PUF60: variants seen among roughly 807,000 people sequenced by gnomAD.
PUF60 encodes poly(U) binding splicing factor 60.
In PUF60, 10 loss-of-function variants were observed where a neutral mutation model predicts 61.8. The observed-to-expected ratio is 0.16, with a 90% CI of 0.10 to 0.27. The LOEUF (loss-of-function observed/expected upper bound fraction) is 0.27. PUF60 is among the 10% of genes least tolerant of loss of function. PUF60 has a pLI of 1.00. For missense variants in PUF60, 371 were observed against 754.0 expected, an observed-to-expected ratio of 0.49 and a Z score of 5.95; for synonymous variants, 353 against 300.9, an observed-to-expected ratio of 1.17 and a Z score of -1.79.
At chr8:143,828,837 G>A (rs1035234756) in intron 1 of PUF60, 1 of 798,740 alleles carries the variant, frequency 1.3e-6, no homozygotes, top group Non-Finnish European at 1.5e-6. Flanking sequence ...CATGCTCTGA[G>A]CTGCAGGCCC....
intron 2 of PUF60, among the ~76,000 whole-genome samples, chr8:143,822,185 T>C (rs1817096913): frequency 1.3e-5 from 2 of 152,060 alleles, no homozygotes; most frequent in Non-Finnish European, 2.9e-5. Flanking sequence ...ACCACCAAGA[T>C]AAACAGCTGG....
chr8:143,821,410 AG>A, intron 4 of PUF60, 186 bp downstream of exon 4: 1 of 615,248 alleles, frequency 1.6e-6, no homozygotes, highest in Non-Finnish European at 2.9e-6. Flanking sequence ...AGCGAGCAAC[AG>A]GTGGGAAAGG....
At chr8:143,829,015 C>T in intron 1 of PUF60, 8 of 996,970 alleles carry the variant, frequency 8.0e-6, no homozygotes, top group Non-Finnish European at 9.5e-6. Context: ...CCGCCAGGCT[C>T]GCCCGCAAGG....
In PUF60 at chr8:143,827,502, C is replaced by T. The variant is rs144730365; in HGVS notation, c.24+1778G>A. ...CCTTCCCCACCAGGCCACTGTCAGC[C>T]AAGTTCAGCTGCTCCATTCAACCTC... On this transcript the variant is annotated intron_variant, in intron 1 of 11. Transcript: ENST00000526683. 104 of 455,162 alleles carry T rather than the reference C, an allele frequency of 2.3e-4. No homozygotes were observed. The East Asian group carries it at 6.9e-3, about 30-fold the overall frequency. 28.2% of individuals were successfully genotyped at this position (455,162 alleles called of 1,614,324 possible).
intron 1 of PUF60, among the ~76,000 whole-genome samples, chr8:143,826,391 C>T (rs998242076): frequency 2.0e-5 from 3 of 152,062 alleles, no homozygotes; most frequent in East Asian, 1.9e-4. Context: ...CACAGCAAGA[C>T]GCTGTCTCTA....
chr8:143,821,814 T>A lies in PUF60; in HGVS notation c.207+4A>T, dbSNP rs776271605. ...CTGCAGTGCCCTGGGAGGTCCATGC[T>A]CACCTTCTGAAGGGCCTCCTGCTGC... is the stretch of plus-strand genomic sequence containing the variant. On this transcript the variant is annotated splice_donor_region_variant and intron_variant, in intron 3 of 11. Transcript: ENST00000526683. 7 of 1,608,798 alleles carry A rather than the reference T, an allele frequency of 4.4e-6. No individual in the cohort carries two copies. The South Asian group carries it at 5.5e-5, about 13-fold the overall frequency.
Position 143,817,073 on chromosome 8 carries a change from C to G in PUF60, c.1217G>C (p.Ser406Thr). 6.2e-7 allele frequency: 1 copy of G among 1,611,718 alleles called. No homozygotes were observed. Among genetic ancestry groups the G allele is most frequent in the Non-Finnish European group, 8.5e-7 (1 of 1,179,350 alleles). The change falls in exon 11 of 12, where the codon AGC (serine) becomes ACC (threonine). Residue 406 changes from serine (S) to threonine (T), a missense_variant. This residue lies in a region of PUF60 where 68 missense variants were observed against 69.4 expected (regional missense o/e 0.98). Coordinates refer to ENST00000526683, the MANE Select transcript of PUF60 (RefSeq NM_078480.3). This position sits in a 1 kb window ranked among gnomAD's most constrained non-coding sequence, Gnocchi z 7.4. ...SVGVVNPILA[S>T]PPTLGLLEPK... ...CTCCAGGAGACCCAGCGTTGGAGGG[C>G]TGGCCAGGATGGGGTTCACCACTCC...
intron 2 of PUF60, chr8:143,822,380 C>A: frequency 2.4e-6 from 1 of 410,374 alleles, no homozygotes; most frequent in Non-Finnish European, 5.0e-6. Flanking sequence ...GCCACAGACA[C>A]AGGCTCAGCT....
intron 1 of PUF60, 106 bp from the exon 2 acceptor site, chr8:143,824,505 G>A: frequency 8.3e-7 from 1 of 1,204,742 alleles, no homozygotes; most frequent in Non-Finnish European, 1.2e-6. Flanking sequence ...AAGCAAGGGA[G>A]GCCAGGCAGG....
In PUF60 at chr8:143,816,611, T is replaced by C. The variant is rs760699933; in HGVS notation, c.1589A>G (p.Gln530Arg). ...AGCAAACCAGCGGCCATTGAGGGCC[T>C]GGATGGCCTTATGAGTCTCAGAGGC... ...SIASETHKAI[Q>R]ALNGRWFAGR... is the part of the protein sequence containing the mutation. Residue 530 changes from glutamine to arginine, a missense_variant, in exon 12 of 12, where the codon CAG becomes CGG. Transcript: ENST00000526683. 2.5e-6 allele frequency: 4 copies of C among 1,613,814 alleles called. No homozygotes were observed. Among genetic ancestry groups the C allele is most frequent in the Non-Finnish European group, 3.4e-6 (4 of 1,179,874 alleles).
chr8:143,822,434 G>A (rs926832230), intron 2 of PUF60: 2 of 452,986 alleles, frequency 4.4e-6, no homozygotes, highest in African/African-American at 4.0e-5. Flanking sequence ...TAATACAAGG[G>A]CCTCTCTCCC....
chr8:143,820,576 G>T, intron 5 of PUF60, 90 bp downstream of exon 5: 1 of 1,412,728 alleles, frequency 7.1e-7, no homozygotes, highest in Non-Finnish European at 1.0e-6. Flanking sequence ...CCGGCCAGGG[G>T]AGCAAGGTCC....
rs771410850 is a variant in PUF60, at chr8:143,818,294, A to G, written c.511-9T>C. 1.3e-5 allele frequency: 21 copies of G among 1,607,348 alleles called. No homozygotes were observed. In the South Asian group the frequency reaches 1.7e-4, roughly 13 times the overall value. On this transcript the variant is annotated splice_polypyrimidine_tract_variant and intron_variant, in intron 6 of 11. Coordinates refer to ENST00000526683, the MANE Select transcript of PUF60 (RefSeq NM_078480.3). The surrounding 1 kb of genome is among the most constrained non-coding windows in gnomAD (Gnocchi z 7.9). ...TCCACGAAGGCAAAGCCCTAGACAC[A>G]GGGACACACCTGTCAGGCTGCGCGA...
chr8:143,827,773 C>T (rs543000523), intron 1 of PUF60, among the ~76,000 whole-genome samples: 92 of 152,356 alleles, frequency 6.0e-4, no homozygotes, highest in Non-Finnish European at 8.8e-4. Context: ...ACAACCCGTT[C>T]GTGGGGTCAG....
intron 1 of PUF60, chr8:143,827,397 G>A: frequency 2.2e-6 from 1 of 456,282 alleles, no homozygotes; most frequent in Non-Finnish European, 4.4e-6. Flanking sequence ...TTGCTGCAAA[G>A]AGGCAGCCGG....
chr8:143,823,976 C>A (rs1817319461), intron 2 of PUF60, among the ~76,000 whole-genome samples: 1 of 152,286 alleles, frequency 6.6e-6, no homozygotes. Flanking sequence ...TTGGCCCACC[C>A]TTCCTGCAAG....
At chr8:143,827,171 C>T (rs1475986349) in intron 1 of PUF60, 5 of 325,580 alleles carry the variant, frequency 1.5e-5, no homozygotes, top group African/African-American at 6.7e-5. Context: ...ACCAGCACTA[C>T]GAAGAAAGCA....
chr8:143,817,300 A>G lies in PUF60; in HGVS notation c.1144+31T>C, dbSNP rs774596303. The G allele has an allele frequency of 6.4e-7, 1 of 1,572,096 alleles. No homozygotes were observed. The highest frequency in any genetic ancestry group is 1.2e-5 in the South Asian group (1 of 85,586). The stretch of plus-strand genomic sequence containing the variant: ...GAGCCGAGAGATGCCAGGACAGGAG[A>G]GGAGAGGATCTGGTACCACTTAAGA... On this transcript the variant is annotated intron_variant, in intron 10 of 11. Transcript: ENST00000526683. This position sits in a 1 kb window ranked among gnomAD's most constrained non-coding sequence, Gnocchi z 7.4.
At chr8:143,821,462 A>T in intron 4 of PUF60, 135 bp downstream of exon 4, 1 of 844,192 alleles carries the variant, frequency 1.2e-6, no homozygotes, top group Non-Finnish European at 1.9e-6. Flanking sequence ...GGGGGTCCCG[A>T]GCATGAGTCT....
Sources: gnomAD v4.1 joint callset for allele counts (sites outside exome capture counted in the v4.1 genomes callset) on GRCh38, gnomAD v4.1.1 for gene constraint, gnomAD v4.1.1 regional missense constraint, Gnocchi (gnomAD v3.1) non-coding constraint, MANE v1.5 for transcripts, NCBI Gene and HGNC (gene_info 2026-07-23, HGNC 2026-07-21) for gene names.